Variants in CPT1C observed in about 807,000 individuals in gnomAD.
The protein encoded by CPT1C is carnitine palmitoyltransferase 1C.
A neutral mutation model predicts 97.3 loss-of-function variants in CPT1C; 61 were observed. The ratio of observed to expected loss-of-function variants is 0.63; its 90% CI spans 0.51 to 0.78. The LOEUF is 0.78. Among genes scored for constraint, CPT1C ranks in the 30% least tolerant of loss-of-function variants. The pLI, the probability that CPT1C is intolerant of heterozygous loss-of-function variation, is 0.00. For synonymous variants in CPT1C, 469 were observed against 447.2 expected (o/e 1.05, Z -0.61); for missense variants, 975 against 1,065.5 (o/e 0.92, Z 1.18).
intron 3 of CPT1C, among the ~76,000 whole-genome samples, chr19:49,693,617 G>T (rs2082474922): frequency 6.6e-6 from 1 of 152,174 alleles, no homozygotes; most frequent in Non-Finnish European, 1.5e-5. Context: ...GGAGAACACA[G>T]CAGATATCAA....
At chr19:49,698,235 C>G (rs573272916) in intron 4 of CPT1C, among the ~76,000 whole-genome samples, 1 of 151,834 alleles carries the variant, frequency 6.6e-6, no homozygotes, top group South Asian at 2.1e-4. Context: ...AGTGTGGTGT[C>G]ACTTACCTGT....
intron 3 of CPT1C, among the ~76,000 whole-genome samples, chr19:49,693,861 CT>C (rs1024205991): frequency 2.6e-5 from 4 of 151,904 alleles, no homozygotes; most frequent in Non-Finnish European, 5.9e-5. Flanking sequence ...GATCGAGACC[CT>C]TCTGGCTAAC....
chr19:49,700,507 G>A (rs1463526577), intron 4 of CPT1C, among the ~76,000 whole-genome samples, 177 bp from the exon 5 acceptor site: 2 of 152,178 alleles, frequency 1.3e-5, no homozygotes, highest in Non-Finnish European at 2.9e-5. Context: ...GAAGCTTGGT[G>A]CTGCCACAAT....
intron 4 of CPT1C, among the ~76,000 whole-genome samples, chr19:49,698,350 G>C (rs945428891): frequency 3.9e-5 from 6 of 151,916 alleles, no homozygotes; most frequent in African/African-American, 1.5e-4. Flanking sequence ...GGGCAACAGA[G>C]TGACACCCTG....
At chr19:49,712,209 G>A in intron 17 of CPT1C, 1 of 475,764 alleles carries the variant, frequency 2.1e-6, no homozygotes, top group Non-Finnish European at 3.8e-6. Flanking sequence ...TGGGTATGGT[G>A]ACAGGCACCT....
In CPT1C at chr19:49,700,674, C is replaced by A; in HGVS notation, c.282-10C>A. 6.2e-7 allele frequency: 1 copy of A among 1,605,508 alleles called. No homozygotes were observed. The highest frequency in any genetic ancestry group is 8.5e-7 in the Non-Finnish European group (1 of 1,179,552). On this transcript the variant is annotated splice_polypyrimidine_tract_variant and intron_variant, in intron 4 of 19. Coordinates refer to ENST00000598293, the MANE Select transcript of CPT1C (RefSeq NM_001199753.2). Reference sequence around the variant, plus strand: ...AGACCCAGGCCCAGCCTCTGTTTCTCTCCCCGCAGGGGTGGACAACACCAC... The same window carrying A: ...AGACCCAGGCCCAGCCTCTGTTTCTATCCCCGCAGGGGTGGACAACACCAC...
chr19:49,712,688 G>T (rs989457179), intron 17 of CPT1C, 48 bp from the exon 18 acceptor site: 3 of 1,399,232 alleles, frequency 2.1e-6, no homozygotes, highest in African/African-American at 1.4e-5. Context: ...GCCAAGGGCC[G>T]GAACTGCAGA....
chr19:49,709,779 C>T (rs1008930274), intron 14 of CPT1C, among the ~76,000 whole-genome samples: 11 of 152,108 alleles, frequency 7.2e-5, no homozygotes, highest in African/African-American at 2.7e-4. Flanking sequence ...TGGTCTCAAA[C>T]TCCTGACCTC....
At chr19:49,693,829 C>G (rs147177938) in intron 3 of CPT1C, among the ~76,000 whole-genome samples, 1 of 151,984 alleles carries the variant, frequency 6.6e-6, no homozygotes, top group Non-Finnish European at 1.5e-5. Flanking sequence ...GAGGCTGAGA[C>G]GGACGGATCA....
In CPT1C at chr19:49,706,278, A is replaced by G. The variant is rs2083494752; in HGVS notation, c.1208A>G (p.Glu403Gly). Residue 403 changes from glutamate (E) to glycine (G), a missense_variant, in exon 12 of 20, where the codon GAG becomes GGG. This residue lies in a region of CPT1C where 596 missense variants were observed against 603.1 expected (regional missense o/e 0.99). Transcript: ENST00000598293. The surrounding 1 kb of genome is among the most constrained non-coding windows in gnomAD (Gnocchi z 4.8). ...ACATCCCTGAAGACCCAGGCAGCGG[A>G]GGCCCTGGAGGCGGTGGAAGGGGCC... ...VRTSLKTQAA[E>G]ALEAVEGAAF... is the part of the protein sequence containing the mutation. 1 of 1,536,256 alleles carries G rather than the reference A, an allele frequency of 6.5e-7. No individual in the cohort carries two copies. The highest frequency in any genetic ancestry group is 1.4e-5 in the African/African-American group (1 of 70,808).
chr19:49,712,873 C>A (rs2083997395), intron 18 of CPT1C, 24 bp downstream of exon 18: 1 of 1,598,124 alleles, frequency 6.3e-7, no homozygotes, highest in Non-Finnish European at 8.6e-7. Flanking sequence ...GGCGCGCTGG[C>A]CCCCAGAGGA....
At chr19:49,710,181 T>C (rs1419593248) in intron 14 of CPT1C, 139 bp from the exon 15 acceptor site, 3 of 822,580 alleles carry the variant, frequency 3.6e-6, no homozygotes, top group Middle Eastern at 3.5e-4. Context: ...CCTTCAATTC[T>C]CTTCTCTTCT....
intron 17 of CPT1C, 53 bp from the exon 18 acceptor site, chr19:49,712,683 G>A (rs1275190183): frequency 7.4e-7 from 1 of 1,355,552 alleles, no homozygotes; most frequent in Non-Finnish European, 1.1e-6. Context: ...GTGGAGCCAA[G>A]GGCCGGAACT....
chr19:49,701,334 C>T lies in CPT1C; in HGVS notation c.471C>T (p.Phe157=), dbSNP rs1464534433. The part of the protein sequence containing the change: ...TKTWLALVRI[F]SGRHPMLFSY... ...CTCCCCAGGCCCTGGTCCGCATCTTCTCTGGCCGCCACCCGATGCTGTTCA... is the reference window on the plus strand; with the variant it reads ...CTCCCCAGGCCCTGGTCCGCATCTTTTCTGGCCGCCACCCGATGCTGTTCA... Residue 157 remains phenylalanine (F), a synonymous_variant, in exon 6 of 20, where the codon TTC becomes TTT. Transcript: ENST00000598293. 6.2e-7 allele frequency: 1 copy of T among 1,613,282 alleles called. No individual in the cohort carries two copies.
At chr19:49,703,589 C>T (rs74174296) in intron 7 of CPT1C, among the ~76,000 whole-genome samples, 9,191 of 113,898 alleles carry the variant, frequency 0.081, 735 homozygotes, top group Non-Finnish European at 0.12. Flanking sequence ...CCCTCCCTCC[C>T]TCCCTCCCTT....
chr19:49,696,185 G>T (rs1305085718), intron 3 of CPT1C, among the ~76,000 whole-genome samples: 3 of 152,134 alleles, frequency 2.0e-5, no homozygotes, highest in African/African-American at 4.8e-5. Flanking sequence ...CCAAACCCCA[G>T]TGTTTTCATT....
chr19:49,711,703 C>T (rs2083897460), intron 16 of CPT1C, 106 bp from the exon 17 acceptor site: 5 of 1,188,342 alleles, frequency 4.2e-6, no homozygotes, highest in Non-Finnish European at 5.9e-6. Context: ...GATATTCCCA[C>T]CTTGCAGGGA....
chr19:49,697,251 T>C, intron 3 of CPT1C, 75 bp from the exon 4 acceptor site: 8 of 1,591,678 alleles, frequency 5.0e-6, no homozygotes, highest in Non-Finnish European at 6.9e-6. Context: ...TGCTCAGTAA[T>C]GTCTGGGGAT....
intron 14 of CPT1C, 134 bp downstream of exon 14, chr19:49,708,973 C>T (rs942555936): frequency 2.2e-5 from 14 of 624,844 alleles, no homozygotes; most frequent in Admixed American, 2.9e-5. Context: ...ATGCTTCCCC[C>T]ACCCCCAAAT....
Sources: allele counts gnomAD v4.1 joint callset (sites outside exome capture counted in the v4.1 genomes callset), GRCh38; gene constraint gnomAD v4.1.1; regional missense constraint gnomAD v4.1.1; non-coding constraint Gnocchi (gnomAD v3.1); transcripts MANE v1.5; gene names NCBI Gene and HGNC (gene_info 2026-07-23, HGNC 2026-07-21).